BAIAP2L1: variants seen among roughly 807,000 people sequenced by gnomAD.
The protein encoded by BAIAP2L1 is BAR/IMD domain-containing adapter protein 2-like 1.
In BAIAP2L1, 35 loss-of-function variants were observed where a neutral mutation model predicts 66.3. That is an observed-to-expected ratio of 0.53 (90% CI 0.40 to 0.70). The LOEUF is 0.70. BAIAP2L1 is among the 30% of genes least tolerant of loss of function. The pLI, the probability that BAIAP2L1 is intolerant of heterozygous loss-of-function variation, is 0.00. For missense variants in BAIAP2L1, 622 were observed against 656.9 expected (o/e 0.95, Z 0.58); for synonymous variants, 269 against 248.7 (o/e 1.08, Z -0.77).
intron 3 of BAIAP2L1, among the ~76,000 whole-genome samples, chr7:98,348,402 A>G (rs1801922827): frequency 1.3e-5 from 2 of 151,944 alleles, no homozygotes; most frequent in Non-Finnish European, 2.9e-5. Context: ...CCCCATCTCT[A>G]CTAAAAATAC....
At chr7:98,372,864 G>A (rs1229860852) in intron 1 of BAIAP2L1, among the ~76,000 whole-genome samples, 2 of 151,282 alleles carry the variant, frequency 1.3e-5, no homozygotes, top group Non-Finnish European at 2.9e-5. Flanking sequence ...TCGTGCCTAA[G>A]GAGTAGGTGG....
chr7:98,367,156 T>C (rs534103167), intron 1 of BAIAP2L1, among the ~76,000 whole-genome samples: 5 of 152,190 alleles, frequency 3.3e-5, no homozygotes, highest in African/African-American at 1.2e-4. Flanking sequence ...TTCTTTTGTT[T>C]TGGAGCTTCT....
intron 1 of BAIAP2L1, among the ~76,000 whole-genome samples, chr7:98,393,533 T>C (rs1366708028): frequency 1.3e-5 from 2 of 152,000 alleles, no homozygotes; most frequent in African/African-American, 4.8e-5. Context: ...AGTCTCCCTC[T>C]GTCGCCCAGG....
chr7:98,365,918 G>A (rs1205000219), intron 1 of BAIAP2L1, among the ~76,000 whole-genome samples: 4 of 152,118 alleles, frequency 2.6e-5, no homozygotes, highest in Non-Finnish European at 5.9e-5. Flanking sequence ...TGATATCCCT[G>A]TCTTTCATGT....
intron 3 of BAIAP2L1, among the ~76,000 whole-genome samples, chr7:98,344,131 C>G (rs933742174): frequency 6.6e-6 from 1 of 152,080 alleles, no homozygotes; most frequent in African/African-American, 2.4e-5. Flanking sequence ...GAGCTGAGAT[C>G]GCGCCACTGG....
At chr7:98,394,485 T>G (rs1584510610) in intron 1 of BAIAP2L1, among the ~76,000 whole-genome samples, 1 of 152,108 alleles carries the variant, frequency 6.6e-6, no homozygotes, top group Non-Finnish European at 1.5e-5. Context: ...CGGCAGATCA[T>G]CAGCAGGCCT....
chr7:98,293,656 AC>A, intron 13 of BAIAP2L1, 60 bp from the exon 14 acceptor site: 1 of 1,524,518 alleles, frequency 6.6e-7, no homozygotes, highest in Non-Finnish European at 9.1e-7. Context: ...CTGGATTTTA[AC>A]AGTGCTAATA....
At chr7:98,301,664 T>G (rs894532114) in intron 12 of BAIAP2L1, among the ~76,000 whole-genome samples, 3 of 151,512 alleles carry the variant, frequency 2.0e-5, no homozygotes, top group African/African-American at 7.3e-5. Flanking sequence ...AAGATGATGG[T>G]GTGTGTGTGT....
intron 1 of BAIAP2L1, among the ~76,000 whole-genome samples, chr7:98,367,915 C>T (rs573893085): frequency 2.0e-5 from 3 of 152,122 alleles, no homozygotes; most frequent in South Asian, 4.2e-4. Context: ...TGAGCCACCA[C>T]GCTTGGCCGG....
At chr7:98,309,337 T>C (rs1162193777) in intron 9 of BAIAP2L1, 1 of 151,990 alleles carries the variant, frequency 6.6e-6, no homozygotes, top group Non-Finnish European at 1.5e-5. Flanking sequence ...GTATTTTTAG[T>C]AGAGACAGGG....
In BAIAP2L1 at chr7:98,392,367, T is replaced by C. The variant is rs2007876; in HGVS notation, c.51+8435A>G. Among the ~76,000 whole-genome samples, 285 of 152,164 alleles carry C rather than the reference T, an allele frequency of 1.9e-3. 1 individual carries two copies. The highest frequency in any genetic ancestry group is 0.01 in the Middle Eastern group (3 of 294). On this transcript the variant is annotated intron_variant, in intron 1 of 13. Transcript: ENST00000005260. ...GTTTCAAAAAAGAAGTCTACCTAAC[T>C]GGCTAGAGTTCAGGGAAAGGCGCAC...
intron 1 of BAIAP2L1, among the ~76,000 whole-genome samples, chr7:98,390,669 T>G (rs1339606198): frequency 6.6e-6 from 1 of 151,832 alleles, no homozygotes; most frequent in East Asian, 2.0e-4. Context: ...GAGGCAGAGC[T>G]TGCAGTGAGC....
At chr7:98,337,881 G>A (rs1195668170) in intron 3 of BAIAP2L1, among the ~76,000 whole-genome samples, 2 of 152,028 alleles carry the variant, frequency 1.3e-5, no homozygotes, top group East Asian at 1.9e-4. Flanking sequence ...TCACGCCACT[G>A]CACTCCAGCC....
intron 8 of BAIAP2L1, 92 bp from the exon 9 acceptor site, chr7:98,310,684 G>A: frequency 1.2e-6 from 1 of 859,270 alleles, no homozygotes; most frequent in Non-Finnish European, 1.6e-6. Context: ...TTAAATAATA[G>A]GCTATTTATT....
chr7:98,310,675 TAAATAATAGGCTA>T, intron 8 of BAIAP2L1, 83 bp from the exon 9 acceptor site: 1 of 984,010 alleles, frequency 1.0e-6, no homozygotes, highest in Non-Finnish European at 1.4e-6. Flanking sequence ...TTTTTTTTTT[TAAATAATAGGCTA>T]TTTATTTATT....
intron 12 of BAIAP2L1, among the ~76,000 whole-genome samples, chr7:98,296,853 G>T (rs540092352): frequency 1.3e-5 from 2 of 152,282 alleles, no homozygotes; most frequent in East Asian, 1.9e-4. Context: ...TTATCTGGTG[G>T]CCCCCAAGGG....
intron 3 of BAIAP2L1, among the ~76,000 whole-genome samples, chr7:98,340,817 CAG>C (rs1801726774): frequency 6.9e-6 from 1 of 144,420 alleles, no homozygotes; most frequent in Non-Finnish European, 1.5e-5. Flanking sequence ...TTGCAGGGGA[CAG>C]AGTTTCACTC....
chr7:98,351,955 C>T (rs762198715), intron 3 of BAIAP2L1, among the ~76,000 whole-genome samples: 4 of 152,136 alleles, frequency 2.6e-5, no homozygotes, highest in African/African-American at 9.7e-5. Context: ...GATAACACCC[C>T]TTCGAGTTTT....
intron 1 of BAIAP2L1, among the ~76,000 whole-genome samples, chr7:98,375,742 CAAAAAAAAAAAA>C (rs372282399): frequency 6.8e-5 from 4 of 59,086 alleles, no homozygotes; most frequent in Non-Finnish European, 9.6e-5. Context: ...AAGTCCATCT[CAAAAAAAAAAAA>C]AAAAAAAAGA....
Sources: gnomAD v4.1 joint callset for allele counts (sites outside exome capture counted in the v4.1 genomes callset) on GRCh38, gnomAD v4.1.1 for gene constraint, MANE v1.5 for transcripts, NCBI Gene and HGNC (gene_info 2026-07-23, HGNC 2026-07-21) for gene names.